Variants in GPHN observed in about 807,000 individuals in gnomAD.
The protein encoded by GPHN is gephyrin.
GPHN carries 17 observed loss-of-function variants against 95.5 expected under a neutral mutation model. The observed-to-expected ratio is 0.18, with a 90% CI of 0.12 to 0.27. GPHN has a LOEUF of 0.27. Ranked by LOEUF, GPHN falls within the 10% of genes least tolerant of loss-of-function variation. The pLI, the probability that GPHN is intolerant of heterozygous loss-of-function variation, is 1.00. For missense variants in GPHN, 660 were observed against 978.1 expected (o/e 0.67, Z 4.34); for synonymous variants, 320 against 322.5 (o/e 0.99, Z 0.08).
intron 8 of GPHN, among the ~76,000 whole-genome samples, chr14:66,954,486 A>G (rs932879036): frequency 6.6e-6 from 1 of 152,136 alleles, no homozygotes; most frequent in African/African-American, 2.4e-5. Context: ...CATGTATTCT[A>G]CAACTTCGCT....
Position 66,709,635 on chromosome 14 carries a change from A to G in GPHN, c.143+28450A>G, listed in dbSNP as rs531438534. On this transcript the variant is annotated intron_variant, in intron 2 of 22. Transcript: ENST00000478722. ...TGGAAGTCTTTATTTAATATTTCAGATCACAGTTGACCTTGGAAAGCAAAA... is the reference window on the plus strand; with the variant it reads ...TGGAAGTCTTTATTTAATATTTCAGGTCACAGTTGACCTTGGAAAGCAAAA... Among the ~76,000 whole-genome samples the G allele has an allele frequency of 3.3e-5, 5 of 152,306 alleles. No homozygotes were observed. In the East Asian group the frequency reaches 9.6e-4, roughly 29 times the overall value.
intron 3 of GPHN, among the ~76,000 whole-genome samples, chr14:66,802,361 G>C (rs1381300684): frequency 1.3e-5 from 2 of 152,150 alleles, no homozygotes; most frequent in Non-Finnish European, 2.9e-5. Context: ...CCCTTCAGGG[G>C]AGTGGTATAC....
At position 66,699,519 on chromosome 14, in the gene GPHN, T is replaced by C. The variant is rs1401227430; in HGVS notation, c.143+18334T>C. On this transcript the variant is annotated intron_variant, in intron 2 of 22. Transcript: ENST00000478722. ...TTTCATAAGCTTTTCATTATGTCTT[T>C]GTGAGTATATAGTTCATTAGAATTG... 2.0e-5 allele frequency among the ~76,000 whole-genome samples: 3 copies of C among 152,168 alleles called. No homozygotes were observed. In the East Asian group the frequency reaches 5.8e-4, roughly 29 times the overall value.
the GPHN span, among the ~76,000 whole-genome samples, chr14:67,426,617 C>G: frequency 1.3e-5 from 2 of 152,100 alleles, no homozygotes; most frequent in Non-Finnish European, 2.9e-5. Context: ...CTCTTGTTGC[C>G]CAGGCTGGAG....
chr14:67,651,623 T>A, the GPHN span: 3 of 856,530 alleles, frequency 3.5e-6, no homozygotes, highest in Non-Finnish European at 5.2e-6. Flanking sequence ...GAAGTACTCA[T>A]AAGGTTCTTT....
At chr14:67,473,075 C>T in the GPHN span, 10 of 277,942 alleles carry the variant, frequency 3.6e-5, no homozygotes, top group African/African-American at 2.2e-4. The surrounding 1 kb of genome is among the most constrained non-coding windows in gnomAD (Gnocchi z 6.5). Context: ...CCTGCGGCCC[C>T]ATTCTCATTG....
chr14:67,340,927 C>T, the GPHN span, among the ~76,000 whole-genome samples: 11 of 152,366 alleles, frequency 7.2e-5, no homozygotes, highest in African/African-American at 2.4e-4. Flanking sequence ...CCGCCAGCCT[C>T]GGCCTCCCGA....
chr14:66,524,318 G>A (rs190185684), intron 1 of GPHN, among the ~76,000 whole-genome samples: 251 of 152,020 alleles, frequency 1.7e-3, no homozygotes, highest in Non-Finnish European at 2.7e-3. Context: ...AGTAGATGAG[G>A]ACCTTATATG....
the GPHN span, chr14:67,619,944 G>A: frequency 5.5e-6 from 8 of 1,450,250 alleles, no homozygotes; most frequent in Admixed American, 1.4e-4. Context: ...ACCGCGCGGA[G>A]CCTCTGCCTT....
chr14:67,558,019 TC>T, the GPHN span, among the ~76,000 whole-genome samples: 1 of 152,170 alleles, frequency 6.6e-6, no homozygotes. Flanking sequence ...ACCAGGGTCT[TC>T]CCTTCTGAGC....
At chr14:67,442,332 G>A in the GPHN span, among the ~76,000 whole-genome samples, 1 of 152,164 alleles carries the variant, frequency 6.6e-6, no homozygotes, top group South Asian at 2.1e-4. Flanking sequence ...GGTTCAGTGG[G>A]TTGGCCAGAA....
At chr14:67,474,808 A>G in the GPHN span, among the ~76,000 whole-genome samples, 1 of 152,124 alleles carries the variant, frequency 6.6e-6, no homozygotes, top group African/African-American at 2.4e-5. Context: ...GTGGAATCAT[A>G]CAAACACTGT....
At chr14:66,694,461 T>C (rs1269754067) in intron 2 of GPHN, among the ~76,000 whole-genome samples, 1 of 152,186 alleles carries the variant, frequency 6.6e-6, no homozygotes, top group African/African-American at 2.4e-5. Flanking sequence ...CAAAATACAA[T>C]GGAGCAAAGA....
intron 19 of GPHN, among the ~76,000 whole-genome samples, chr14:67,164,191 C>G (rs977746335): frequency 6.8e-6 from 1 of 146,682 alleles, no homozygotes; most frequent in Non-Finnish European, 1.5e-5. Flanking sequence ...TCACTTGAAC[C>G]CGGGAGGCGG....
chr14:67,199,012 A>G, the GPHN span: 20 of 709,448 alleles, frequency 2.8e-5, no homozygotes, highest in Non-Finnish European at 5.1e-5. Context: ...ACAAGGGAGG[A>G]CAACAGACAC....
chr14:67,076,715 T>G (rs2076508163), intron 11 of GPHN, among the ~76,000 whole-genome samples: 1 of 152,206 alleles, frequency 6.6e-6, no homozygotes, highest in Admixed American at 6.5e-5. Flanking sequence ...TCAATGCCGT[T>G]ACAATGGGCA....
At chr14:67,531,457 A>T in the GPHN span, among the ~76,000 whole-genome samples, 28 of 152,182 alleles carry the variant, frequency 1.8e-4, no homozygotes, top group African/African-American at 5.8e-4. Context: ...CAATGGTGAG[A>T]TGCACTCTAT....
the GPHN span, among the ~76,000 whole-genome samples, chr14:67,187,893 T>C: frequency 6.6e-6 from 1 of 152,192 alleles, no homozygotes; most frequent in Non-Finnish European, 1.5e-5. Flanking sequence ...CTCTATCTTA[T>C]CACTACATAA....
intron 4 of GPHN, among the ~76,000 whole-genome samples, chr14:66,866,653 T>C (rs1258033888): frequency 2.0e-5 from 3 of 152,180 alleles, no homozygotes; most frequent in African/African-American, 7.2e-5. Flanking sequence ...GCAAATACAG[T>C]GAGATTTTTC....
Sources: allele counts gnomAD v4.1 joint callset (sites outside exome capture counted in the v4.1 genomes callset), GRCh38; gene constraint gnomAD v4.1.1; non-coding constraint Gnocchi (gnomAD v3.1); transcripts MANE v1.5; gene names NCBI Gene and HGNC (gene_info 2026-07-23, HGNC 2026-07-21).